Variants in ZNF568 observed in about 807,000 individuals in gnomAD.
ZNF568 encodes p53 inhibitor of SCO2 activation.
A neutral mutation model predicts 18.1 loss-of-function variants in ZNF568; 11 were observed. The ratio of observed to expected loss-of-function variants is 0.61; its 90% CI spans 0.38 to 1.00. The LOEUF is 1.00. Among genes scored for constraint, ZNF568 ranks in the 50% least tolerant of loss-of-function variants. The probability of loss-of-function intolerance (pLI) is 0.01; values close to 1 mark genes in which losing one functional copy is unlikely to be tolerated. For missense variants in ZNF568, 639 were observed against 768.2 expected, an observed-to-expected ratio of 0.83 and a Z score of 1.99; for synonymous variants, 213 against 246.6, an observed-to-expected ratio of 0.86 and a Z score of 1.28.
At chr19:36,982,023 A>G (rs1233549172), downstream of ZNF568, among the ~76,000 whole-genome samples, 2 of 151,876 alleles carry the variant, frequency 1.3e-5, no homozygotes, top group African/African-American at 2.4e-5. Flanking sequence ...ACCTTGCTTA[A>G]CTCTTATTTA....
chr19:36,933,623 G>C (rs889504346), intron 4 of ZNF568, among the ~76,000 whole-genome samples: 1 of 151,902 alleles, frequency 6.6e-6, no homozygotes, highest in Non-Finnish European at 1.5e-5. Flanking sequence ...ATATGTTGTT[G>C]GATTAGGTTT....
chr19:36,958,652 T>C (rs1047261509), intron 6 of ZNF568, among the ~76,000 whole-genome samples: 4 of 139,328 alleles, frequency 2.9e-5, no homozygotes, highest in African/African-American at 1.1e-4. Flanking sequence ...ACAGGGTCTC[T>C]CTTTCGCCCA....
intron 3 of ZNF568, among the ~76,000 whole-genome samples, chr19:36,923,206 C>T (rs567707552): frequency 1.3e-5 from 2 of 152,218 alleles, no homozygotes; most frequent in Admixed American, 6.5e-5. Flanking sequence ...AAATAACATT[C>T]TTACACTGCT....
At chr19:36,991,551 G>C in intron 3 of ZNF568, 1 of 630,630 alleles carries the variant, frequency 1.6e-6, no homozygotes, top group Non-Finnish European at 2.6e-6. Flanking sequence ...AAGTGGAAAT[G>C]AATGGTTAAG....
chr19:36,932,717 A>G (rs1275536075), intron 4 of ZNF568, among the ~76,000 whole-genome samples: 1 of 152,202 alleles, frequency 6.6e-6, no homozygotes, highest in Non-Finnish European at 1.5e-5. Flanking sequence ...TCCTTTGGTT[A>G]TAGCTGTCCT....
chr19:36,925,126 A>C, intron 3 of ZNF568, 74 bp from the exon 4 acceptor site: 1 of 1,385,672 alleles, frequency 7.2e-7, no homozygotes, highest in Non-Finnish European at 1.0e-6. Flanking sequence ...TCTTCTAGCC[A>C]CCTGGTACTG....
chr19:36,953,642 T>C (rs112778694), downstream of ZNF568, among the ~76,000 whole-genome samples: 481 of 152,334 alleles, frequency 3.2e-3, 3 homozygotes, highest in African/African-American at 0.011. Context: ...CCAGACGCAG[T>C]AGCTCAAGCC....
At chr19:36,938,701 G>A (rs2073830338) in intron 6 of ZNF568, among the ~76,000 whole-genome samples, 1 of 152,174 alleles carries the variant, frequency 6.6e-6, no homozygotes, top group Admixed American at 6.5e-5. Context: ...TTACCTGAGG[G>A]ATTTAGACAA....
chr19:36,949,453 T>C, intron 6 of ZNF568, 59 bp from the exon 7 acceptor site: 2 of 1,485,460 alleles, frequency 1.3e-6, no homozygotes, highest in Non-Finnish European at 1.8e-6. Flanking sequence ...TCTGATATGT[T>C]ATTAATAGTC....
rs376725952 is a variant in ZNF568 at position 36,934,156 on chromosome 19, T to G, written c.136-2590T>G. Among the ~76,000 whole-genome samples, 12 of 151,852 alleles carry G rather than the reference T, an allele frequency of 7.9e-5. No individual in the cohort carries two copies. In the East Asian group the frequency reaches 1.4e-3, roughly 17 times the overall value. The stretch of plus-strand genomic sequence containing the variant: ...GATTTTTGTATTTTGAGTCTTCTTG[T>G]CAGTGATATTTGTCCATTTTGTCAA... On this transcript the variant is annotated intron_variant, in intron 4 of 6. Coordinates refer to ENST00000333987, the MANE Select transcript of ZNF568 (RefSeq NM_198539.4).
intron 3 of ZNF568, among the ~76,000 whole-genome samples, chr19:36,923,689 C>T (rs1292062062): frequency 6.6e-6 from 1 of 151,562 alleles, no homozygotes; most frequent in Non-Finnish European, 1.5e-5. Context: ...GTGACTATGC[C>T]ATGTTGGGTG....
Position 36,970,006 on chromosome 19 carries a change from G to A in ZNF568, c.359-4414G>A, listed in dbSNP as rs528379075. ...TCAAACTCCTTACCTCAAGTGATCC[G>A]CCCACCTCGGCCTCCCAAAGTGCTG... is the stretch of plus-strand genomic sequence containing the variant. On this transcript the variant is annotated intron_variant, in intron 6 of 7. Coordinates refer to the ZNF568 transcript ENST00000427117. 3.6e-4 allele frequency among the ~76,000 whole-genome samples: 43 copies of A among 121,068 alleles called. 10 individuals carry two copies. Among genetic ancestry groups the A allele is most frequent in the South Asian group, 7.8e-4 (3 of 3,852 alleles). 79.4% of individuals were successfully genotyped at this position (121,068 alleles called of 152,430 possible).
chr19:36,919,716 G>A (rs1278002177), intron 2 of ZNF568, among the ~76,000 whole-genome samples: 1 of 152,054 alleles, frequency 6.6e-6, no homozygotes, highest in Non-Finnish European at 1.5e-5. Context: ...CAGGGGTTGA[G>A]GACCCCTGCT....
intron 4 of ZNF568, among the ~76,000 whole-genome samples, chr19:36,993,338 T>G (rs1484817956): frequency 6.6e-6 from 1 of 152,172 alleles, no homozygotes; most frequent in Non-Finnish European, 1.5e-5. Flanking sequence ...TTGGATCTGG[T>G]TTGGTCTTTT....
intron 3 of ZNF568, among the ~76,000 whole-genome samples, chr19:36,924,556 C>A (rs1334592542): frequency 3.8e-3 from 2 of 520 alleles, no homozygotes; most frequent in Admixed American, 0.025. Context: ...TTAGGCCAGG[C>A]GCGGCGTCAC....
Position 36,922,757 on chromosome 19 carries a change from C to T in ZNF568, c.-14C>T. ...CTTGTCTTGACCCTTCTGCCCAGAG[C>T]AGGCAGGGTCTGAATGACATCTCAA... is the stretch of plus-strand genomic sequence containing the variant. On this transcript the variant is annotated 5_prime_UTR_variant, in exon 3 of 7. Transcript: ENST00000333987. The T allele has an allele frequency of 6.2e-7, 1 of 1,612,614 alleles. No individual in the cohort carries two copies. The highest frequency in any genetic ancestry group is 1.1e-5 in the South Asian group (1 of 90,932).
intron 3 of ZNF568, chr19:36,991,747 G>T (rs767696697): frequency 1.9e-6 from 3 of 1,560,942 alleles, no homozygotes; most frequent in Non-Finnish European, 2.6e-6. Flanking sequence ...TTGTTTTTGA[G>T]CAGGGCTTTC....
chr19:36,996,209 TA>T, intron 4 of ZNF568: 1 of 935,034 alleles, frequency 1.1e-6, no homozygotes, highest in Non-Finnish European at 1.5e-6. Context: ...AATTGCAGTG[TA>T]AAGAATTGCT....
At chr19:36,972,058 C>T (rs2074240451) in intron 6 of ZNF568, among the ~76,000 whole-genome samples, 1 of 152,068 alleles carries the variant, frequency 6.6e-6, no homozygotes, top group Admixed American at 6.6e-5. Context: ...TGGTCTTGAT[C>T]TCTTGACCTC....
Sources: gnomAD v4.1 joint callset for allele counts (sites outside exome capture counted in the v4.1 genomes callset) on GRCh38, gnomAD v4.1.1 for gene constraint, MANE v1.5 for transcripts, NCBI Gene and HGNC (gene_info 2026-07-23, HGNC 2026-07-21) for gene names.